The following SYNDIG1 variants were observed in gnomAD, a reference collection of about 807,000 sequenced individuals.
The protein encoded by SYNDIG1 is synapse differentiation-inducing gene protein 1.
A neutral mutation model predicts 19.4 loss-of-function variants in SYNDIG1; 9 were observed. The observed-to-expected ratio is 0.46, with a 90% CI of 0.28 to 0.81. SYNDIG1 has a LOEUF of 0.81. Among genes scored for constraint, SYNDIG1 ranks in the 30% least tolerant of loss-of-function variants. The pLI is 0.12. For synonymous variants in SYNDIG1, 141 were observed against 145.9 expected (o/e 0.97, Z 0.24); for missense variants, 311 against 343.3 (o/e 0.91, Z 0.74).
At chr20:24,478,435 G>T (rs138974390) in intron 1 of SYNDIG1, among the ~76,000 whole-genome samples, 1 of 152,224 alleles carries the variant, frequency 6.6e-6, no homozygotes, top group Non-Finnish European at 1.5e-5. Context: ...CCAACGTGCC[G>T]TCCAGCCTCA....
At chr20:24,583,730 G>A (rs911248363) in intron 2 of SYNDIG1, among the ~76,000 whole-genome samples, 1 of 152,192 alleles carries the variant, frequency 6.6e-6, no homozygotes, top group Non-Finnish European at 1.5e-5. Flanking sequence ...GGTTCTCTTT[G>A]CTAGGTCAGC....
At chr20:24,478,787 T>C (rs1307121915) in intron 1 of SYNDIG1, among the ~76,000 whole-genome samples, 1 of 152,182 alleles carries the variant, frequency 6.6e-6, no homozygotes, top group Admixed American at 6.5e-5. Flanking sequence ...CCAGGAGTCA[T>C]GCACTTAGAA....
At chr20:24,508,239 T>TA in intron 1 of SYNDIG1, among the ~76,000 whole-genome samples, 1 of 135,048 alleles carries the variant, frequency 7.4e-6, no homozygotes, top group Non-Finnish European at 1.6e-5. Flanking sequence ...TTTTTTTTTT[T>TA]TTTTTTTGTG....
chr20:24,637,742 A>T (rs2059330022), intron 3 of SYNDIG1, among the ~76,000 whole-genome samples: 1 of 152,214 alleles, frequency 6.6e-6, no homozygotes, highest in Non-Finnish European at 1.5e-5. Context: ...AAAGGTGTAC[A>T]GGTGTCACCA....
chr20:24,638,609 C>G (rs1186617130), intron 3 of SYNDIG1, among the ~76,000 whole-genome samples: 1 of 152,172 alleles, frequency 6.6e-6, no homozygotes, highest in Non-Finnish European at 1.5e-5. Flanking sequence ...GAAATACCCC[C>G]ACTTTGACCT....
At chr20:24,489,358 C>T (rs1223366776) in intron 1 of SYNDIG1, among the ~76,000 whole-genome samples, 2 of 151,192 alleles carry the variant, frequency 1.3e-5, no homozygotes, top group Non-Finnish European at 2.9e-5. Context: ...ACACAAGATA[C>T]ATGCATGCAC....
intron 1 of SYNDIG1, among the ~76,000 whole-genome samples, chr20:24,477,370 A>G (rs766664061): frequency 6.6e-6 from 1 of 151,848 alleles, no homozygotes; most frequent in African/African-American, 2.4e-5. Context: ...GCAGGGCCAC[A>G]TGGACACCTC....
At chr20:24,535,057 A>C (rs962904505) in intron 1 of SYNDIG1, among the ~76,000 whole-genome samples, 4 of 152,160 alleles carry the variant, frequency 2.6e-5, no homozygotes, top group Non-Finnish European at 5.9e-5. Context: ...TTGCTGGTTT[A>C]GGTTTAGGAA....
intron 2 of SYNDIG1, among the ~76,000 whole-genome samples, chr20:24,563,693 C>G (rs2057987583): frequency 6.6e-6 from 1 of 152,186 alleles, no homozygotes; most frequent in Admixed American, 6.5e-5. Context: ...CCTTGACCTC[C>G]CAGACTCAAG....
intron 2 of SYNDIG1, among the ~76,000 whole-genome samples, chr20:24,544,386 C>G (rs541385364): frequency 6.6e-6 from 1 of 152,282 alleles, no homozygotes; most frequent in Admixed American, 6.5e-5. Flanking sequence ...AAACACGTGC[C>G]AGGCTTTCCG....
intron 2 of SYNDIG1, among the ~76,000 whole-genome samples, chr20:24,582,762 T>C (rs537257413): frequency 2.5e-4 from 38 of 152,178 alleles, no homozygotes; most frequent in Non-Finnish European, 4.9e-4. Flanking sequence ...ATGTGCAGAA[T>C]AAAGAGAAGA....
At chr20:24,490,707 C>A (rs1339242102) in intron 1 of SYNDIG1, among the ~76,000 whole-genome samples, 1 of 152,186 alleles carries the variant, frequency 6.6e-6, no homozygotes, top group Non-Finnish European at 1.5e-5. Context: ...GGCTAGGACT[C>A]CTTATGTGGG....
intron 3 of SYNDIG1, among the ~76,000 whole-genome samples, chr20:24,610,184 G>A (rs1440000087): frequency 6.6e-6 from 1 of 152,176 alleles, no homozygotes; most frequent in Non-Finnish European, 1.5e-5. Context: ...ACTGGTGGGT[G>A]GAGAGACGGG....
At chr20:24,542,893 A>T (rs934716714) in intron 1 of SYNDIG1, 127 bp from the exon 2 acceptor site, 3 of 731,022 alleles carry the variant, frequency 4.1e-6, no homozygotes, top group East Asian at 5.5e-5. Context: ...ACTGCATTTT[A>T]TCTAACTCTC....
chr20:24,643,972 A>C (rs1371102187), intron 3 of SYNDIG1, among the ~76,000 whole-genome samples: 1 of 152,268 alleles, frequency 6.6e-6, no homozygotes, highest in Non-Finnish European at 1.5e-5. Flanking sequence ...GAGCCTTAGC[A>C]ATAATTAGCT....
Position 24,665,551 on chromosome 20 carries a change from A to T in SYNDIG1, c.*47A>T. 1 of 1,608,960 alleles carries T rather than the reference A, an allele frequency of 6.2e-7. No homozygotes were observed. Among genetic ancestry groups the T allele is most frequent in the Non-Finnish European group, 8.5e-7 (1 of 1,178,654 alleles). ...AGCACCCGGGGCCAGGTCTGTGTGGACGTGGAGGAAGCAGGCATACCGCAT... is the reference window on the plus strand; with the variant it reads ...AGCACCCGGGGCCAGGTCTGTGTGGTCGTGGAGGAAGCAGGCATACCGCAT... On this transcript the variant is annotated 3_prime_UTR_variant, in exon 4 of 4. Transcript: ENST00000376862.
chr20:24,640,368 AGAGGAAGG>A (rs1307065070), intron 3 of SYNDIG1, among the ~76,000 whole-genome samples: 10 of 149,300 alleles, frequency 6.7e-5, no homozygotes, highest in East Asian at 2.0e-4. Flanking sequence ...AGAGAGAGAG[AGAGGAAGG>A]GAGGAAGGGA....
rs897525615 is a variant in SYNDIG1, at chr20:24,586,784, G to A, written c.618+1791G>A. ...GATGGAAGCCCTGGATAGATGGCAA[G>A]GGGCCACAGGGAGAGGCTGCCTACG... On this transcript the variant is annotated intron_variant, in intron 3 of 3. Transcript: ENST00000376862. Among the ~76,000 whole-genome samples the A allele has an allele frequency of 3.9e-5, 6 of 152,228 alleles. No individual in the cohort carries two copies. In the East Asian group the frequency reaches 9.6e-4, roughly 24 times the overall value.
intron 1 of SYNDIG1, among the ~76,000 whole-genome samples, chr20:24,482,631 C>T (rs2055831154): frequency 1.3e-5 from 2 of 152,022 alleles, no homozygotes; most frequent in African/African-American, 4.8e-5. Context: ...ATCTTGCTTC[C>T]AGTAATGAAC....
Sources: gnomAD v4.1 joint callset for allele counts (sites outside exome capture counted in the v4.1 genomes callset) on GRCh38, gnomAD v4.1.1 for gene constraint, MANE v1.5 for transcripts, NCBI Gene and HGNC (gene_info 2026-07-23, HGNC 2026-07-21) for gene names.